Variants in VEZT observed in about 807,000 individuals in gnomAD.
The protein encoded by VEZT is vezatin.
A neutral mutation model predicts 79.9 loss-of-function variants in VEZT; 39 were observed. The observed-to-expected ratio is 0.49, with a 90% CI of 0.38 to 0.64. VEZT has a LOEUF of 0.64. VEZT is among the 30% of genes least tolerant of loss of function. The pLI is 0.00. For synonymous variants in VEZT, 325 were observed against 327.6 expected, an observed-to-expected ratio of 0.99 and a Z score of 0.09; for missense variants, 837 against 893.1, an observed-to-expected ratio of 0.94 and a Z score of 0.80.
At chr12:95,240,032 G>GA (rs2060765919) in intron 1 of VEZT, among the ~76,000 whole-genome samples, 1 of 87,900 alleles carries the variant, frequency 1.1e-5, no homozygotes, top group Non-Finnish European at 2.7e-5. Flanking sequence ...AAGGAAGGAA[G>GA]GAAGGAAGGA....
intron 7 of VEZT, among the ~76,000 whole-genome samples, chr12:95,276,475 G>T (rs931236826): frequency 6.6e-6 from 1 of 151,612 alleles, no homozygotes; most frequent in Admixed American, 6.6e-5. Flanking sequence ...TCACCGTGTT[G>T]CCCAGGCTGG....
Position 95,238,733 on chromosome 12 carries a change from A to G in VEZT, c.37-13207A>G, listed in dbSNP as rs562102757. Among the ~76,000 whole-genome samples the G allele has an allele frequency of 4.6e-5, 7 of 152,306 alleles. 1 individual carries two copies. In the South Asian group the frequency reaches 1.5e-3, roughly 32 times the overall value. ...TAAATAGCACCACCTGATTCTTCAAATCAGAAATCTTAATCTTGATCCCTC... is the reference window on the plus strand; with the variant it reads ...TAAATAGCACCACCTGATTCTTCAAGTCAGAAATCTTAATCTTGATCCCTC... On this transcript the variant is annotated intron_variant, in intron 1 of 11. Transcript: ENST00000436874.
At chr12:95,281,010 C>T (rs1430582073) in intron 7 of VEZT, among the ~76,000 whole-genome samples, 1 of 152,042 alleles carries the variant, frequency 6.6e-6, no homozygotes, top group African/African-American at 2.4e-5. Context: ...TTTTAAAATT[C>T]ATTTACTAAA....
intron 1 of VEZT, among the ~76,000 whole-genome samples, chr12:95,239,015 G>A (rs2060537306): frequency 6.6e-6 from 1 of 152,090 alleles, no homozygotes; most frequent in East Asian, 1.9e-4. Context: ...AAAGTATATA[G>A]TATATTTCCA....
At chr12:95,289,163 A>G (rs1489613920) in intron 9 of VEZT, among the ~76,000 whole-genome samples, 2 of 151,208 alleles carry the variant, frequency 1.3e-5, no homozygotes, top group East Asian at 1.9e-4. Context: ...CACGCCTGTA[A>G]TCCCAGCACT....
chr12:95,232,360 T>A (rs1434528362), intron 1 of VEZT, among the ~76,000 whole-genome samples: 2 of 152,162 alleles, frequency 1.3e-5, no homozygotes, highest in Non-Finnish European at 2.9e-5. Context: ...AGAGAACACT[T>A]TTTTTCCAGA....
intron 1 of VEZT, among the ~76,000 whole-genome samples, chr12:95,231,942 T>C (rs1311422709): frequency 1.3e-5 from 2 of 152,318 alleles, no homozygotes; most frequent in East Asian, 3.9e-4. Context: ...TTTAAGTAGA[T>C]TCCTCATTAA....
At chr12:95,276,486 T>C (rs1345052819) in intron 7 of VEZT, among the ~76,000 whole-genome samples, 9 of 151,956 alleles carry the variant, frequency 5.9e-5, no homozygotes, top group Non-Finnish European at 1.2e-4. Flanking sequence ...CCCAGGCTGG[T>C]CTAAAACTCC....
intron 8 of VEZT, among the ~76,000 whole-genome samples, chr12:95,284,262 A>G (rs1293105893): frequency 1.3e-5 from 2 of 152,210 alleles, no homozygotes; most frequent in South Asian, 2.1e-4. Context: ...GTGCTGCTAC[A>G]TACAACTTTT....
intron 1 of VEZT, among the ~76,000 whole-genome samples, chr12:95,243,334 C>T (rs955344621): frequency 6.8e-6 from 1 of 147,940 alleles, no homozygotes; most frequent in Non-Finnish European, 1.5e-5. Context: ...TGCACTCCAA[C>T]CTGGGTGACA....
intron 4 of VEZT, among the ~76,000 whole-genome samples, chr12:95,264,280 T>C (rs1252465836): frequency 6.6e-6 from 1 of 152,192 alleles, no homozygotes; most frequent in Non-Finnish European, 1.5e-5. Context: ...CTTTACTAAC[T>C]TTCCTTTACC....
intron 1 of VEZT, among the ~76,000 whole-genome samples, chr12:95,235,755 C>T (rs1253764856): frequency 1.3e-5 from 2 of 151,506 alleles, no homozygotes; most frequent in African/African-American, 4.8e-5. Context: ...GGTTGCCGGC[C>T]GGAGACGCTC....
intron 6 of VEZT, among the ~76,000 whole-genome samples, chr12:95,271,833 G>C (rs2066663383): frequency 6.6e-6 from 1 of 152,156 alleles, no homozygotes; most frequent in Non-Finnish European, 1.5e-5. Flanking sequence ...CAGTGAACAA[G>C]ATAGACAAGA....
intron 1 of VEZT, among the ~76,000 whole-genome samples, chr12:95,229,704 T>C (rs2058969283): frequency 6.6e-6 from 1 of 152,152 alleles, no homozygotes; most frequent in Admixed American, 6.5e-5. Context: ...TACCAGGTGT[T>C]CTCTGAGTTC....
At chr12:95,219,312 A>G (rs1177617185) in intron 1 of VEZT, among the ~76,000 whole-genome samples, 1 of 152,190 alleles carries the variant, frequency 6.6e-6, no homozygotes, top group African/African-American at 2.4e-5. Context: ...AGTTAAAATC[A>G]TCCATTATCC....
chr12:95,276,392 C>G (rs1412340517), intron 7 of VEZT, among the ~76,000 whole-genome samples: 1 of 151,124 alleles, frequency 6.6e-6, no homozygotes, highest in African/African-American at 2.4e-5. Context: ...ACCTCAGCCT[C>G]CCGAGTAGCT....
intron 7 of VEZT, among the ~76,000 whole-genome samples, chr12:95,281,140 T>C (rs1213445213): frequency 6.6e-6 from 1 of 152,206 alleles, no homozygotes; most frequent in Non-Finnish European, 1.5e-5. Flanking sequence ...TGTTTCCTCA[T>C]GCATTTGTTT....
intron 4 of VEZT, among the ~76,000 whole-genome samples, chr12:95,264,869 C>CTTTTTTTTTTT (rs71078693): frequency 4.2e-4 from 48 of 113,328 alleles, no homozygotes; most frequent in South Asian, 5.9e-4. Context: ...CTTTTCTTTT[C>CTTTTTTTTTTT]TTTTTTTTTT....
At chr12:95,262,623 A>G (rs1026721843) in intron 3 of VEZT, among the ~76,000 whole-genome samples, 1 of 152,220 alleles carries the variant, frequency 6.6e-6, no homozygotes, top group Non-Finnish European at 1.5e-5. Flanking sequence ...ATTAGGCTTA[A>G]CTAGACAAGT....
Sources: gnomAD v4.1 joint callset for allele counts (sites outside exome capture counted in the v4.1 genomes callset) on GRCh38, gnomAD v4.1.1 for gene constraint, MANE v1.5 for transcripts, NCBI Gene and HGNC (gene_info 2026-07-23, HGNC 2026-07-21) for gene names.